PITPNM2: variants seen among roughly 807,000 people sequenced by gnomAD.
PITPNM2 encodes membrane-associated phosphatidylinositol transfer protein 2.
Under a neutral mutation model 132.2 loss-of-function variants are expected in PITPNM2, and 35 were observed. The observed-to-expected ratio is 0.26, with a 90% CI of 0.20 to 0.35. PITPNM2 has a LOEUF of 0.35. Among genes scored for constraint, PITPNM2 ranks in the 10% least tolerant of loss-of-function variants. PITPNM2 has a pLI of 1.00. For missense variants in PITPNM2, 1,332 were observed against 1,912.0 expected, an observed-to-expected ratio of 0.70 and a Z score of 5.66; for synonymous variants, 738 against 799.2, an observed-to-expected ratio of 0.92 and a Z score of 1.29.
At chr12:123,006,688 G>A (rs2038946504) in intron 6 of PITPNM2, among the ~76,000 whole-genome samples, 1 of 150,688 alleles carries the variant, frequency 6.6e-6, no homozygotes, top group Non-Finnish European at 1.5e-5. Context: ...ACTCCAGCCT[G>A]GGTGACAGAG....
intron 2 of PITPNM2, among the ~76,000 whole-genome samples, chr12:123,053,417 T>A (rs2040924431): frequency 1.3e-5 from 2 of 152,204 alleles, no homozygotes; most frequent in African/African-American, 4.8e-5. Context: ...CTAACAGTTA[T>A]TTAGATTTTT....
rs770716090 is a variant in PITPNM2, at chr12:123,004,557, C to G, written c.953-68G>C. 4 of 1,516,716 alleles carry G rather than the reference C, an allele frequency of 2.6e-6. No individual in the cohort carries two copies. The South Asian group carries it at 3.4e-5, about 13-fold the overall frequency. 94.0% of individuals were successfully genotyped at this position (1,516,716 alleles called of 1,614,324 possible). A position where few individuals can be genotyped will look rare whatever the true frequency, so the allele number is the denominator to read the frequency against. On this transcript the variant is annotated intron_variant, in intron 7 of 25. Coordinates refer to ENST00000320201, the MANE Select transcript of PITPNM2 (RefSeq NM_020845.3). This position sits in a 1 kb window ranked among gnomAD's most constrained non-coding sequence, Gnocchi z 4.9. Reference sequence around the variant, plus strand: ...GGGCCCAGAGGCTGCCCTGAGCCGGCAGGAGGCAGGGAGGGCCACCCACAG... The same window carrying G: ...GGGCCCAGAGGCTGCCCTGAGCCGGGAGGAGGCAGGGAGGGCCACCCACAG...
intron 2 of PITPNM2, among the ~76,000 whole-genome samples, chr12:123,059,499 C>T (rs533846994): frequency 6.6e-6 from 1 of 152,370 alleles, no homozygotes; most frequent in Non-Finnish European, 1.5e-5. Context: ...TGGCCATACA[C>T]ACCCACTAAT....
At chr12:123,130,403 T>A (rs945951937) in intron 1 of PITPNM2, among the ~76,000 whole-genome samples, 14 of 152,282 alleles carry the variant, frequency 9.2e-5, no homozygotes, top group African/African-American at 3.4e-4. Flanking sequence ...AAACAGAAGC[T>A]AAGGTTGGGG....
At chr12:123,041,349 T>C (rs1421017328) in intron 2 of PITPNM2, among the ~76,000 whole-genome samples, 1 of 152,180 alleles carries the variant, frequency 6.6e-6, no homozygotes, top group African/African-American at 2.4e-5. Context: ...TAGGGCTGCC[T>C]ACCCCCAGGT....
At chr12:123,056,978 G>A (rs1397316324) in intron 2 of PITPNM2, among the ~76,000 whole-genome samples, 5 of 152,200 alleles carry the variant, frequency 3.3e-5, no homozygotes, top group African/African-American at 1.2e-4. Flanking sequence ...ACAAGTCAGA[G>A]TACTCAGAAG....
At chr12:122,998,105 C>T (rs1185049356) in intron 10 of PITPNM2, among the ~76,000 whole-genome samples, 3 of 152,182 alleles carry the variant, frequency 2.0e-5, no homozygotes, top group South Asian at 2.1e-4. Flanking sequence ...CCTGAGTGGG[C>T]GGCAACCCCA....
chr12:123,114,390 C>T (rs113150460), intron 1 of PITPNM2, among the ~76,000 whole-genome samples: 32 of 151,382 alleles, frequency 2.1e-4, no homozygotes, highest in African/African-American at 5.6e-4. Context: ...CAGTTTCTGG[C>T]GAATCCTCCC....
At chr12:123,002,619 T>C (rs1228934313) in intron 8 of PITPNM2, among the ~76,000 whole-genome samples, 3 of 152,196 alleles carry the variant, frequency 2.0e-5, no homozygotes, top group South Asian at 2.1e-4. Context: ...GGTTTCACTA[T>C]GTTACCCTAG....
chr12:123,059,826 G>T (rs1160928724), intron 2 of PITPNM2, among the ~76,000 whole-genome samples: 1 of 152,158 alleles, frequency 6.6e-6, no homozygotes. Flanking sequence ...GGAGGAATGG[G>T]AAGTGACTGC....
chr12:123,075,691 GC>G (rs1485717321), intron 2 of PITPNM2: 1 of 152,192 alleles, frequency 6.6e-6, no homozygotes, highest in African/African-American at 2.4e-5. Flanking sequence ...CTGCTCTCAC[GC>G]CCCCTGCGGC....
intron 1 of PITPNM2, among the ~76,000 whole-genome samples, chr12:123,114,446 T>A (rs1169388671): frequency 2.0e-5 from 3 of 149,570 alleles, no homozygotes; most frequent in Non-Finnish European, 3.0e-5. Flanking sequence ...TAAAGACAGC[T>A]TGCATGGGAG....
chr12:123,128,645 C>T (rs1449797792), intron 1 of PITPNM2, among the ~76,000 whole-genome samples: 1 of 148,172 alleles, frequency 6.7e-6, no homozygotes, highest in East Asian at 2.0e-4. Flanking sequence ...CCCAGCTACT[C>T]GGGAGACTGA....
At chr12:123,041,404 G>C (rs1369933568) in intron 2 of PITPNM2, among the ~76,000 whole-genome samples, 1 of 152,164 alleles carries the variant, frequency 6.6e-6, no homozygotes, top group Non-Finnish European at 1.5e-5. Flanking sequence ...CCCTGCTGTG[G>C]TGCTGGTTGG....
chr12:123,073,026 T>A (rs1052308845), intron 2 of PITPNM2, among the ~76,000 whole-genome samples: 4 of 152,100 alleles, frequency 2.6e-5, no homozygotes, highest in Non-Finnish European at 5.9e-5. Flanking sequence ...CCTGCCCCCC[T>A]CCCCAGAGCT....
chr12:123,118,120 G>A (rs886155576), intron 1 of PITPNM2, among the ~76,000 whole-genome samples: 1 of 152,230 alleles, frequency 6.6e-6, no homozygotes. Flanking sequence ...ACTGAGACTA[G>A]AGAATTGTCT....
intron 2 of PITPNM2, among the ~76,000 whole-genome samples, chr12:123,060,973 C>A (rs1024486111): frequency 1.2e-4 from 18 of 152,168 alleles, no homozygotes; most frequent in Non-Finnish European, 2.4e-4. Flanking sequence ...CCCATGCATC[C>A]CTTCACCCAT....
At chr12:123,104,796 A>G (rs1241629352) in intron 2 of PITPNM2, among the ~76,000 whole-genome samples, 4 of 152,146 alleles carry the variant, frequency 2.6e-5, no homozygotes, top group Non-Finnish European at 4.4e-5. Context: ...ACGGACACAC[A>G]TGAAACTCCC....
intron 3 of PITPNM2, among the ~76,000 whole-genome samples, chr12:123,032,117 G>A (rs755800114): frequency 7.9e-5 from 12 of 152,236 alleles, no homozygotes; most frequent in Non-Finnish European, 1.6e-4. Context: ...AGGTCTGAGC[G>A]TCTAACAGGG....
Sources: allele counts gnomAD v4.1 joint callset (sites outside exome capture counted in the v4.1 genomes callset), GRCh38; gene constraint gnomAD v4.1.1; non-coding constraint Gnocchi (gnomAD v3.1); transcripts MANE v1.5; gene names NCBI Gene and HGNC (gene_info 2026-07-23, HGNC 2026-07-21).